TRMT11: variants seen among roughly 807,000 people sequenced by gnomAD.
TRMT11 encodes tRNA (guanine(10)-N(2))-methyltransferase TRMT11.
A neutral mutation model predicts 62.8 loss-of-function variants in TRMT11; 53 were observed. That is an observed-to-expected ratio of 0.84 (90% CI 0.68 to 1.06). TRMT11 has a LOEUF of 1.06. Among genes scored for constraint, TRMT11 ranks in the 50% least tolerant of loss-of-function variants. TRMT11 has a pLI of 0.00. For missense variants in TRMT11, 556 were observed against 553.4 expected, an observed-to-expected ratio of 1.00 and a Z score of -0.05; for synonymous variants, 188 against 190.3, an observed-to-expected ratio of 0.99 and a Z score of 0.10.
intron 21 of TRMT11, among the ~76,000 whole-genome samples, chr6:126,145,055 A>G (rs1777959302): frequency 1.3e-5 from 2 of 152,322 alleles, no homozygotes; most frequent in East Asian, 3.9e-4. Flanking sequence ...CCTAGACATT[A>G]GGGTAACTAT....
intron 1 of TRMT11, among the ~76,000 whole-genome samples, chr6:126,178,875 T>A (rs1018140462): frequency 1.3e-5 from 2 of 152,242 alleles, no homozygotes; most frequent in South Asian, 4.2e-4. Context: ...GTCTGGAATT[T>A]CAGCCCCAAT....
intron 21 of TRMT11, among the ~76,000 whole-genome samples, chr6:126,152,963 A>G (rs1197107206): frequency 2.0e-5 from 3 of 152,190 alleles, no homozygotes; most frequent in Non-Finnish European, 2.9e-5. Flanking sequence ...ATTTTTGACC[A>G]GAAGAATGTG....
chr6:125,986,753 C>T (rs981306409), intron 1 of TRMT11, 131 bp downstream of exon 1: 22 of 837,682 alleles, frequency 2.6e-5, no homozygotes, highest in Non-Finnish European at 3.8e-5. Context: ...GCGGGTCACG[C>T]GTCCCCAGTC....
chr6:126,061,149 T>C (rs1312234950), intron 17 of TRMT11, among the ~76,000 whole-genome samples: 2 of 152,228 alleles, frequency 1.3e-5, no homozygotes, highest in East Asian at 1.9e-4. Context: ...GTGTTGGCTA[T>C]GGACCAGCAC....
At position 126,157,333 on chromosome 6, in the gene TRMT11, A is replaced by G. The variant is rs367939370; in HGVS notation, c.*1824-17492A>G. ...TGTAATTATTGATCTGAGTCCTTCA[A>G]GTTTGGCTTTTATATACAAATACTT... On this transcript the variant is annotated intron_variant and NMD_transcript_variant, in intron 21 of 22. Coordinates refer to the TRMT11 transcript ENST00000648977. 1.1e-4 allele frequency among the ~76,000 whole-genome samples: 16 copies of G among 152,338 alleles called. No individual in the cohort carries two copies. In the South Asian group the frequency reaches 1.5e-3, roughly 14 times the overall value.
intron 16 of TRMT11, among the ~76,000 whole-genome samples, chr6:126,048,642 A>G (rs1159175193): frequency 1.3e-5 from 2 of 152,208 alleles, no homozygotes; most frequent in East Asian, 1.9e-4. Flanking sequence ...ACATGGCAAC[A>G]CATCCGCTGT....
intron 12 of TRMT11, among the ~76,000 whole-genome samples, chr6:126,035,129 C>T (rs1044597909): frequency 6.6e-6 from 1 of 151,750 alleles, no homozygotes; most frequent in Non-Finnish European, 1.5e-5. Context: ...TAGTATATTT[C>T]GTATGGTCTG....
the TRMT11 span, among the ~76,000 whole-genome samples, chr6:126,268,571 A>G: frequency 6.6e-6 from 1 of 152,212 alleles, no homozygotes; most frequent in African/African-American, 2.4e-5. Context: ...AATTTGTTCC[A>G]TGAATGCCAT....
At chr6:126,249,809 T>C in the TRMT11 span, among the ~76,000 whole-genome samples, 7 of 152,120 alleles carry the variant, frequency 4.6e-5, no homozygotes, top group African/African-American at 1.7e-4. Context: ...ATAAACATGA[T>C]GGATATAACC....
At chr6:126,224,246 C>G in the TRMT11 span, among the ~76,000 whole-genome samples, 4 of 152,206 alleles carry the variant, frequency 2.6e-5, no homozygotes, top group Non-Finnish European at 5.9e-5. Context: ...AGGGTTCTGG[C>G]ATTCATTTTT....
At chr6:126,016,712 T>TC (rs1300585293) in intron 11 of TRMT11, among the ~76,000 whole-genome samples, 1 of 151,652 alleles carries the variant, frequency 6.6e-6, no homozygotes. Context: ...TTTTTTTTTT[T>TC]TTGTCTTAGA....
At chr6:126,204,593 T>TTC (rs1778772388), downstream of TRMT11, among the ~76,000 whole-genome samples, 1 of 151,136 alleles carries the variant, frequency 6.6e-6, no homozygotes, top group Non-Finnish European at 1.5e-5. Context: ...ATGTATGTGT[T>TTC]CCCCTCTATT....
intron 21 of TRMT11, among the ~76,000 whole-genome samples, chr6:126,151,830 C>T (rs867631499): frequency 1.8e-5 from 2 of 112,332 alleles, no homozygotes; most frequent in Non-Finnish European, 3.7e-5. Flanking sequence ...TTCTTTCTTT[C>T]TTTCTTTCTT....
the TRMT11 span, among the ~76,000 whole-genome samples, chr6:126,263,901 C>T: frequency 6.6e-6 from 1 of 152,150 alleles, no homozygotes; most frequent in African/African-American, 2.4e-5. Context: ...CATTCATCTA[C>T]CTTTAAAAAT....
chr6:126,177,255 A>C (rs1423773058), exon 1 of TRMT11: 1 of 152,150 alleles, frequency 6.6e-6, no homozygotes, highest in Non-Finnish European at 1.5e-5. Flanking sequence ...AGTGCCATAA[A>C]CCAAGCTTTT....
intron 21 of TRMT11, among the ~76,000 whole-genome samples, chr6:126,132,356 A>G (rs1777795493): frequency 1.3e-5 from 2 of 151,968 alleles, no homozygotes; most frequent in South Asian, 4.1e-4. Flanking sequence ...CATCTAGTAG[A>G]TGCATTTTGG....
the TRMT11 span, among the ~76,000 whole-genome samples, chr6:126,255,768 T>G: frequency 3.3e-5 from 5 of 152,154 alleles, no homozygotes; most frequent in African/African-American, 1.2e-4. Context: ...TAGGTAATAT[T>G]TCAAAATAAT....
chr6:126,173,196 G>A (rs1057075660), upstream of TRMT11, among the ~76,000 whole-genome samples: 2 of 152,146 alleles, frequency 1.3e-5, no homozygotes. Flanking sequence ...CCCTTGCTAA[G>A]TTTGAAATGC....
intron 16 of TRMT11, among the ~76,000 whole-genome samples, chr6:126,047,170 G>A (rs766663207): frequency 1.6e-4 from 24 of 151,810 alleles, no homozygotes; most frequent in Non-Finnish European, 3.2e-4. Context: ...AGAGGGCAGC[G>A]CCCTGACAAA....
Sources: allele counts gnomAD v4.1 joint callset (sites outside exome capture counted in the v4.1 genomes callset), GRCh38; gene constraint gnomAD v4.1.1; transcripts MANE v1.5; gene names NCBI Gene and HGNC (gene_info 2026-07-23, HGNC 2026-07-21).